MYL11: variants seen among roughly 807,000 people sequenced by gnomAD.
The protein encoded by MYL11 is myosin light chain 11.
the MYL11 span, chr16:30,375,871 T>C: frequency 3.1e-6 from 5 of 1,614,094 alleles, no homozygotes; most frequent in East Asian, 1.1e-4. Flanking sequence ...CTCCAGCGTC[T>C]TCTCCATGTT....
At chr16:30,374,898 A>G in the MYL11 span, 3 of 1,610,916 alleles carry the variant, frequency 1.9e-6, no homozygotes, top group Admixed American at 3.4e-5. Context: ...CAGATCCCTT[A>G]GACCTCAGGG....
chr16:30,376,576 C>T, the MYL11 span: 1 of 1,613,490 alleles, frequency 6.2e-7, no homozygotes, highest in Non-Finnish European at 8.5e-7. Context: ...TTTCCCAGAC[C>T]CTTCAGGGAC....
the MYL11 span, chr16:30,377,553 G>A: frequency 3.1e-6 from 4 of 1,286,502 alleles, no homozygotes; most frequent in Non-Finnish European, 4.1e-6. Flanking sequence ...AGTGACCTGG[G>A]TTTTCAGGGG....
the MYL11 span, chr16:30,377,657 G>T: frequency 6.6e-7 from 1 of 1,519,364 alleles, no homozygotes; most frequent in Non-Finnish European, 8.9e-7. Context: ...TCTCCAGCCT[G>T]GAGGAGCTGC....
At chr16:30,374,336 G>A in the MYL11 span, among the ~76,000 whole-genome samples, 1 of 151,612 alleles carries the variant, frequency 6.6e-6, no homozygotes, top group South Asian at 2.1e-4. Context: ...AAGGGAGACA[G>A]GGGTCTCACT....
chr16:30,375,937 G>A, the MYL11 span: 140 of 1,610,572 alleles, frequency 8.7e-5, no homozygotes, highest in Non-Finnish European at 1.2e-4. Context: ...GGGGAAACTG[G>A]AAGGCTGACC....
At chr16:30,374,900 A>ATC in the MYL11 span, 1 of 1,608,722 alleles carries the variant, frequency 6.2e-7, no homozygotes, top group Non-Finnish European at 8.5e-7. Context: ...GATCCCTTAG[A>ATC]CCTCAGGGCA....
the MYL11 span, among the ~76,000 whole-genome samples, chr16:30,371,590 C>G: frequency 1.3e-5 from 2 of 152,194 alleles, no homozygotes; most frequent in Non-Finnish European, 2.9e-5. Flanking sequence ...AGCTCCTCCC[C>G]AGAACCCAGG....
At chr16:30,375,760 GC>G in the MYL11 span, 2 of 1,390,932 alleles carry the variant, frequency 1.4e-6, no homozygotes, top group East Asian at 2.3e-5. Context: ...TTAATCCATT[GC>G]CCCCAGAGAG....
At chr16:30,375,727 A>G in the MYL11 span, 19 of 1,051,488 alleles carry the variant, frequency 1.8e-5, no homozygotes, top group Admixed American at 4.7e-5. Context: ...CTTTAGGAAC[A>G]GGGACTCGAA....
the MYL11 span, chr16:30,376,417 C>G: frequency 2.5e-6 from 4 of 1,611,448 alleles, no homozygotes; most frequent in East Asian, 8.9e-5. Flanking sequence ...CCCCAACCCC[C>G]TCCAGGCCGC....
At chr16:30,372,904 C>T in the MYL11 span, 1 of 152,674 alleles carries the variant, frequency 6.5e-6, no homozygotes, top group Non-Finnish European at 1.5e-5. Flanking sequence ...TGCCCTCCGC[C>T]CAGCACATCT....
the MYL11 span, chr16:30,376,016 C>T: frequency 1.1e-5 from 17 of 1,479,358 alleles, no homozygotes; most frequent in Non-Finnish European, 1.6e-5. Context: ...GTTTAGAATT[C>T]CTTCCTCCCC....
chr16:30,376,830 G>A, the MYL11 span: 2 of 848,926 alleles, frequency 2.4e-6, no homozygotes, highest in South Asian at 3.1e-5. Context: ...GCTTTGGGAG[G>A]CAGAGGCAGG....
the MYL11 span, among the ~76,000 whole-genome samples, chr16:30,377,010 C>T: frequency 2.0e-5 from 3 of 152,182 alleles, no homozygotes; most frequent in Non-Finnish European, 4.4e-5. Flanking sequence ...GTCAGGAGTC[C>T]AAGAACAGCC....
the MYL11 span, chr16:30,376,271 A>C: frequency 3.1e-6 from 5 of 1,598,470 alleles, no homozygotes; most frequent in African/African-American, 4.0e-5. Context: ...GAGTCTAGGA[A>C]ATTCAGTGGC....
chr16:30,377,770 C>A, the MYL11 span: 3 of 1,612,064 alleles, frequency 1.9e-6, no homozygotes. Context: ...AGGGCCTGTG[C>A]GAGACGCCCC....
the MYL11 span, chr16:30,376,020 C>A: frequency 1.4e-6 from 2 of 1,479,904 alleles, no homozygotes; most frequent in Non-Finnish European, 1.9e-6. Flanking sequence ...AGAATTCCTT[C>A]CTCCCCTCTC....
the MYL11 span, among the ~76,000 whole-genome samples, chr16:30,372,058 C>T: frequency 1.2e-4 from 18 of 152,320 alleles, no homozygotes; most frequent in East Asian, 2.5e-3. Flanking sequence ...TCAATTCCCA[C>T]TCAGTGTCTG....
Sources: gnomAD v4.1 joint callset for allele counts (sites outside exome capture counted in the v4.1 genomes callset) on GRCh38, gnomAD v4.1.1 for gene constraint, MANE v1.5 for transcripts, NCBI Gene and HGNC (gene_info 2026-07-23, HGNC 2026-07-21) for gene names.